GALNT13: variants seen among roughly 807,000 people sequenced by gnomAD.
GALNT13 encodes the protein UDP-GalNAc:polypeptide N-acetylgalactosaminyltransferase 13.
A neutral mutation model predicts 64.2 loss-of-function variants in GALNT13; 28 were observed. The ratio of observed to expected loss-of-function variants is 0.44; its 90% CI spans 0.32 to 0.60. The LOEUF is 0.60. Ranked by LOEUF, GALNT13 falls within the 20% of genes least tolerant of loss-of-function variation. The probability of loss-of-function intolerance (pLI) is 0.05; values close to 1 mark genes in which losing one functional copy is unlikely to be tolerated. For missense variants in GALNT13, 577 were observed against 669.8 expected (o/e 0.86, Z 1.53); for synonymous variants, 214 against 224.6 (o/e 0.95, Z 0.42).
chr2:153,369,270 G>C, the GALNT13 span, among the ~76,000 whole-genome samples: 659 of 151,794 alleles, frequency 4.3e-3, 2 homozygotes, highest in African/African-American at 0.015. Flanking sequence ...AAAAAGAGCT[G>C]ACTAAACTCA....
the GALNT13 span, among the ~76,000 whole-genome samples, chr2:153,633,768 T>C: frequency 6.6e-6 from 1 of 152,342 alleles, no homozygotes; most frequent in East Asian, 1.9e-4. Flanking sequence ...TAGAGATTTA[T>C]GAAAGTCTTT....
At chr2:153,263,028 A>G in the GALNT13 span, among the ~76,000 whole-genome samples, 1 of 152,078 alleles carries the variant, frequency 6.6e-6, no homozygotes, top group Non-Finnish European at 1.5e-5. Context: ...TATAGATATA[A>G]TCCTATATCT....
the GALNT13 span, among the ~76,000 whole-genome samples, chr2:153,699,585 G>A: frequency 1.6e-4 from 24 of 151,116 alleles, no homozygotes; most frequent in East Asian, 5.8e-4. Context: ...CAAAATAGAC[G>A]GACCGCAAGC....
chr2:153,520,360 G>A, the GALNT13 span, among the ~76,000 whole-genome samples: 7 of 152,092 alleles, frequency 4.6e-5, no homozygotes, highest in Non-Finnish European at 8.8e-5. Context: ...GGCATCATTT[G>A]AGGTTCATAA....
chr2:153,657,301 G>A, the GALNT13 span, among the ~76,000 whole-genome samples: 1 of 152,100 alleles, frequency 6.6e-6, no homozygotes, highest in Admixed American at 6.6e-5. Context: ...GTTAGAATAT[G>A]ATATGTATGC....
At chr2:154,061,787 A>G (rs1700201632) in intron 3 of GALNT13, among the ~76,000 whole-genome samples, 2 of 152,200 alleles carry the variant, frequency 1.3e-5, no homozygotes, top group South Asian at 2.1e-4. Flanking sequence ...TGTTTTTAGG[A>G]GAGTTTTCAT....
chr2:154,009,669 T>C (rs1385611771), intron 3 of GALNT13, among the ~76,000 whole-genome samples: 1 of 152,116 alleles, frequency 6.6e-6, no homozygotes, highest in Non-Finnish European at 1.5e-5. Context: ...TTTATAGTTT[T>C]AGTAGAGAGG....
Position 153,994,534 on chromosome 2 carries a change from A to C in GALNT13, c.142+49895A>C, listed in dbSNP as rs200370692. On this transcript the variant is annotated intron_variant, in intron 3 of 12. Transcript: ENST00000392825. ...TTGAACTAGTTTACAGTCCCACCAA[A>C]AGTGTAAAAGTGTTCCTATTCTTCC... Among the ~76,000 whole-genome samples, 9 of 152,238 alleles carry C rather than the reference A, an allele frequency of 5.9e-5. 1 individual carries two copies. The South Asian group carries it at 1.2e-3, about 21-fold the overall frequency.
chr2:153,997,258 G>A (rs1360341975), intron 3 of GALNT13, among the ~76,000 whole-genome samples: 2 of 151,978 alleles, frequency 1.3e-5, no homozygotes, highest in Non-Finnish European at 2.9e-5. Flanking sequence ...TATCACCTTG[G>A]ATAATATGGA....
At chr2:154,031,820 C>T (rs2105307546) in intron 3 of GALNT13, among the ~76,000 whole-genome samples, 1 of 151,864 alleles carries the variant, frequency 6.6e-6, no homozygotes, top group East Asian at 1.9e-4. Flanking sequence ...TATTGGAAGG[C>T]TGTAACAGTC....
the GALNT13 span, among the ~76,000 whole-genome samples, chr2:153,128,309 G>A: frequency 6.6e-6 from 1 of 152,172 alleles, no homozygotes; most frequent in African/African-American, 2.4e-5. Flanking sequence ...GGAAAGCAGG[G>A]AGGAGCAAGT....
chr2:153,663,185 A>G, the GALNT13 span, among the ~76,000 whole-genome samples: 2 of 152,238 alleles, frequency 1.3e-5, no homozygotes, highest in Non-Finnish European at 2.9e-5. Context: ...TTCAGTAGAC[A>G]TACTTAATTT....
chr2:153,178,664 T>C, the GALNT13 span, among the ~76,000 whole-genome samples: 1 of 152,030 alleles, frequency 6.6e-6, no homozygotes, highest in African/African-American at 2.4e-5. Context: ...GGGTTGTCTC[T>C]TCATTGTGAT....
At chr2:153,843,519 C>T in the GALNT13 span, among the ~76,000 whole-genome samples, 9 of 152,296 alleles carry the variant, frequency 5.9e-5, no homozygotes, top group East Asian at 5.8e-4. Context: ...ACTATCCAAA[C>T]GATATCATTC....
the GALNT13 span, among the ~76,000 whole-genome samples, chr2:153,090,257 C>T: frequency 2.0e-5 from 3 of 152,102 alleles, no homozygotes; most frequent in Admixed American, 6.5e-5. Flanking sequence ...CAAGATGGCT[C>T]CAGGCTGGTG....
At chr2:153,226,064 G>A in the GALNT13 span, among the ~76,000 whole-genome samples, 1 of 151,960 alleles carries the variant, frequency 6.6e-6, no homozygotes, top group Non-Finnish European at 1.5e-5. Context: ...CTCCTTAGTA[G>A]TAGCTGGGAC....
intron 8 of GALNT13, among the ~76,000 whole-genome samples, chr2:154,265,269 C>G (rs1690929184): frequency 6.6e-6 from 1 of 151,234 alleles, no homozygotes. Context: ...GACCAAACAG[C>G]CCTGTATCTA....
chr2:153,710,485 A>C, the GALNT13 span, among the ~76,000 whole-genome samples: 3 of 152,138 alleles, frequency 2.0e-5, no homozygotes, highest in African/African-American at 7.2e-5. Context: ...CCAAGAGTTC[A>C]GAAGTTCTTG....
chr2:153,274,200 TTAAAAAAAA>T, the GALNT13 span, among the ~76,000 whole-genome samples: 1 of 152,090 alleles, frequency 6.6e-6, no homozygotes, highest in Admixed American at 6.6e-5. Context: ...CGAGACTTCA[TTAAAAAAAA>T]TAAAAAAAAT....
Sources: gnomAD v4.1 joint callset for allele counts (sites outside exome capture counted in the v4.1 genomes callset) on GRCh38, gnomAD v4.1.1 for gene constraint, MANE v1.5 for transcripts, NCBI Gene and HGNC (gene_info 2026-07-23, HGNC 2026-07-21) for gene names.